FRAS1: variants seen among roughly 807,000 people sequenced by gnomAD.
The protein encoded by FRAS1 is extracellular matrix organizing protein FRAS1.
FRAS1 carries 290 observed loss-of-function variants against 435.2 expected under a neutral mutation model. The observed-to-expected ratio is 0.67, with a 90% CI of 0.61 to 0.73. The LOEUF (loss-of-function observed/expected upper bound fraction) is 0.73. Among genes scored for constraint, FRAS1 ranks in the 30% least tolerant of loss-of-function variants. The pLI is 0.00. For missense variants in FRAS1, 4,860 were observed against 5,001.5 expected (o/e 0.97, Z 0.85); for synonymous variants, 1,800 against 1,851.0 (o/e 0.97, Z 0.71).
At chr4:78,102,192 A>G (rs560054054) in intron 2 of FRAS1, among the ~76,000 whole-genome samples, 1 of 152,218 alleles carries the variant, frequency 6.6e-6, no homozygotes, top group Non-Finnish European at 1.5e-5. Context: ...ACTGTTGAAC[A>G]TGTTTTCTTA....
intron 2 of FRAS1, among the ~76,000 whole-genome samples, chr4:78,080,304 G>A (rs772587489): frequency 1.3e-5 from 2 of 152,128 alleles, no homozygotes; most frequent in Non-Finnish European, 2.9e-5. Flanking sequence ...TAGAAGAGGA[G>A]GCATAATTGC....
chr4:78,176,961 T>C (rs113321033), intron 2 of FRAS1, among the ~76,000 whole-genome samples: 3 of 152,368 alleles, frequency 2.0e-5, no homozygotes, highest in African/African-American at 7.2e-5. Context: ...ACAGGGACCT[T>C]TGTCTTGTAT....
chr4:78,066,569 A>G (rs1502882), intron 2 of FRAS1, among the ~76,000 whole-genome samples: 37,523 of 152,130 alleles, frequency 0.25, 5,009 homozygotes, highest in East Asian at 0.35. Context: ...GGCTGATGTA[A>G]GTCTCATGCA....
chr4:78,363,416 T>C (rs1731152153), intron 20 of FRAS1, 97 bp from the exon 21 acceptor site: 5 of 1,209,042 alleles, frequency 4.1e-6, no homozygotes, highest in South Asian at 1.6e-5. Context: ...TCAGCTGCAG[T>C]GTTTGTAATT....
Position 78,464,150 on chromosome 4 carries a change from G to A in FRAS1, c.6888+5G>A, listed in dbSNP as rs754538263. ...CTGTCTGATGGAGTCAGTGAGGTAG[G>A]TGAGGCACTGAACTCCATCCTTGAA... On this transcript the variant is annotated splice_donor_5th_base_variant and intron_variant, in intron 48 of 73. Transcript: ENST00000512123. 6.2e-7 allele frequency: 1 copy of A among 1,605,170 alleles called. No homozygotes were observed. Among genetic ancestry groups the A allele is most frequent in the Non-Finnish European group, 8.5e-7 (1 of 1,176,860 alleles).
chr4:78,209,876 A>G (rs147541130), intron 2 of FRAS1, among the ~76,000 whole-genome samples: 77 of 152,330 alleles, frequency 5.1e-4, no homozygotes, highest in Middle Eastern at 3.4e-3. Flanking sequence ...CCTGCCTCTC[A>G]AATGAACTGA....
intron 2 of FRAS1, among the ~76,000 whole-genome samples, chr4:78,202,791 G>T (rs1171281667): frequency 6.6e-6 from 1 of 152,208 alleles, no homozygotes. Context: ...AAGCTCCCAA[G>T]CTCCCACACC....
chr4:78,516,401 T>C (rs945932291), intron 66 of FRAS1, among the ~76,000 whole-genome samples: 3 of 152,382 alleles, frequency 2.0e-5, no homozygotes, highest in Admixed American at 6.5e-5. Context: ...CGTCAGATGA[T>C]GCAGCCTGTC....
At chr4:78,406,485 C>T (rs1291314186) in intron 30 of FRAS1, among the ~76,000 whole-genome samples, 2 of 152,024 alleles carry the variant, frequency 1.3e-5, no homozygotes, top group Non-Finnish European at 2.9e-5. Context: ...GAGGCAAAAG[C>T]GGAAACCCCT....
intron 20 of FRAS1, among the ~76,000 whole-genome samples, chr4:78,340,513 A>G (rs756295176): frequency 2.0e-5 from 3 of 152,220 alleles, no homozygotes; most frequent in Non-Finnish European, 4.4e-5. Flanking sequence ...TTCATCAAAC[A>G]TTTATGAAGC....
At chr4:78,486,934 T>G (rs1241950146) in intron 58 of FRAS1, among the ~76,000 whole-genome samples, 1 of 151,900 alleles carries the variant, frequency 6.6e-6, no homozygotes, top group African/African-American at 2.4e-5. Flanking sequence ...AATTTGGAGT[T>G]GATTAATGCA....
intron 2 of FRAS1, among the ~76,000 whole-genome samples, chr4:78,133,061 C>T (rs918850245): frequency 2.0e-5 from 3 of 152,064 alleles, no homozygotes; most frequent in African/African-American, 4.8e-5. Context: ...GGCAACAGAG[C>T]GAGACTCTGC....
intron 35 of FRAS1, among the ~76,000 whole-genome samples, chr4:78,425,002 C>A (rs369876439): frequency 1.3e-5 from 2 of 151,884 alleles, no homozygotes; most frequent in South Asian, 4.2e-4. Flanking sequence ...TTAATAGTAA[C>A]TAAGATCCTA....
rs369229783 is a variant in FRAS1 at position 78,337,843 on chromosome 4, C to A, written c.2422+26C>A. ...GTGAGTGAAACTCCTGTGGACTCCT[C>A]GGAAATCACTGGGCAGCTGCCGGGG... On this transcript the variant is annotated intron_variant, in intron 20 of 73. Coordinates refer to ENST00000512123, the MANE Select transcript of FRAS1 (RefSeq NM_025074.7). 9.6e-5 allele frequency: 155 copies of A among 1,613,256 alleles called. No homozygotes were observed. In the African/African-American group the frequency reaches 2.0e-3, roughly 20 times the overall value.
At position 78,463,918 on chromosome 4, in the gene FRAS1, CA is replaced by C. The variant is rs2109845532; in HGVS notation, c.6764-100del. On this transcript the variant is annotated intron_variant, in intron 47 of 73. Transcript: ENST00000512123. ...GGAAATAAATGCTATAAGAAAAATACAAAGGACTCTCTATCTGGTGAGAGTA... is the reference window on the plus strand; with the variant it reads ...GGAAATAAATGCTATAAGAAAAATACAAGGACTCTCTATCTGGTGAGAGTA... 5 of 1,290,024 alleles carry C rather than the reference CA, an allele frequency of 3.9e-6. No individual in the cohort carries two copies. In the East Asian group the frequency reaches 9.3e-5, roughly 24 times the overall value. 79.9% of individuals were successfully genotyped at this position (1,290,024 alleles called of 1,614,324 possible).
At chr4:78,184,113 G>A (rs1042613286) in intron 2 of FRAS1, among the ~76,000 whole-genome samples, 1 of 152,104 alleles carries the variant, frequency 6.6e-6, no homozygotes, top group Non-Finnish European at 1.5e-5. Context: ...CACTGCTCTG[G>A]GTTGATTATA....
chr4:78,473,568 G>A lies in FRAS1; in HGVS notation c.7653G>A (p.Gln2551=), dbSNP rs1212508973. The A allele has an allele frequency of 1.1e-5, 18 of 1,609,404 alleles. No homozygotes were observed. Among genetic ancestry groups the A allele is most frequent in the African/African-American group, 4.0e-5 (3 of 74,754 alleles). ...NVVSDNVFHI[Q]WSLISFKYTS... is the part of the protein sequence containing the mutation. ...TCAGCGACAATGTCTTCCATATCCA[G>A]TGGTCACTCATCAGCTTTAAATATA... The change falls in exon 53 of 74, where the codon CAG becomes CAA. Residue 2551 remains glutamine, a synonymous_variant. Transcript: ENST00000512123.
rs985535089 is a variant in FRAS1 at position 78,307,955 on chromosome 4, A to G, written c.1535-111A>G. 11 of 1,093,800 alleles carry G rather than the reference A, an allele frequency of 1.0e-5. No individual in the cohort carries two copies. In the Admixed American group the frequency reaches 1.7e-4, roughly 16 times the overall value. 67.8% of individuals were successfully genotyped at this position (1,093,800 alleles called of 1,614,324 possible). A position where few individuals can be genotyped will look rare whatever the true frequency, so the allele number is the denominator to read the frequency against. ...TACATGTGTCAATAGCAGTTTAGGAACTAAGGAACCAACTGACATCCTCCT... is the reference window on the plus strand; with the variant it reads ...TACATGTGTCAATAGCAGTTTAGGAGCTAAGGAACCAACTGACATCCTCCT... On this transcript the variant is annotated intron_variant, in intron 14 of 73. Transcript: ENST00000512123.
In FRAS1 at chr4:78,479,678, G is replaced by T. The variant is rs747184729; in HGVS notation, c.8403G>T (p.Val2801=). The T allele has an allele frequency of 6.2e-7, 1 of 1,605,706 alleles. No homozygotes were observed. ...LISGPNDAST[V]SLGNTAFTVS... ...GTGGTCCCAACGATGCCTCGACTGT[G>T]TCCCTGGGCAACACGGCTTTCACTG... Residue 2801 remains valine, a synonymous_variant, in exon 56 of 74, where the codon GTG becomes GTT. Transcript: ENST00000512123.
Sources: allele counts gnomAD v4.1 joint callset (sites outside exome capture counted in the v4.1 genomes callset), GRCh38; gene constraint gnomAD v4.1.1; transcripts MANE v1.5; gene names NCBI Gene and HGNC (gene_info 2026-07-23, HGNC 2026-07-21).